Variants in MUSK observed in about 807,000 individuals in gnomAD.
MUSK encodes the protein muscle, skeletal receptor tyrosine-protein kinase.
In MUSK, 55 loss-of-function variants were observed where a neutral mutation model predicts 88.7. The ratio of observed to expected loss-of-function variants is 0.62; its 90% CI spans 0.50 to 0.78. The LOEUF (loss-of-function observed/expected upper bound fraction) is 0.78. Ranked by LOEUF, MUSK falls within the 30% of genes least tolerant of loss-of-function variation. The pLI is 0.00. For missense variants in MUSK, 1,015 were observed against 1,074.3 expected, an observed-to-expected ratio of 0.94 and a Z score of 0.77; for synonymous variants, 387 against 391.9, an observed-to-expected ratio of 0.99 and a Z score of 0.15.
At chr9:110,725,340 G>T (rs920576689) in intron 5 of MUSK, among the ~76,000 whole-genome samples, 1 of 151,850 alleles carries the variant, frequency 6.6e-6, no homozygotes, top group Admixed American at 6.6e-5. Flanking sequence ...GTGGGAAAAG[G>T]GTCTTATAGA....
chr9:110,730,356 CA>C (rs1369682204), intron 5 of MUSK, among the ~76,000 whole-genome samples: 1 of 152,016 alleles, frequency 6.6e-6, no homozygotes, highest in African/African-American at 2.4e-5. Flanking sequence ...CATATCAAAA[CA>C]GTTATAAATG....
intron 5 of MUSK, among the ~76,000 whole-genome samples, chr9:110,731,713 C>G (rs1345902707): frequency 6.6e-6 from 1 of 152,052 alleles, no homozygotes; most frequent in Admixed American, 6.6e-5. Flanking sequence ...CCTGTACCTG[C>G]CTGTGCCACA....
chr9:110,716,077 G>A lies in MUSK; in HGVS notation c.629-18174G>A, dbSNP rs540709833. Among the ~76,000 whole-genome samples, 15 of 149,650 alleles carry A rather than the reference G, an allele frequency of 1.0e-4. No homozygotes were observed. The East Asian group carries it at 1.2e-3, about 12-fold the overall frequency. On this transcript the variant is annotated intron_variant, in intron 5 of 14. Transcript: ENST00000374448. ...TGTGCAGCAAACCACCGTGGCACAC[G>A]TTTACCTATGTAACAAACCTGCACA...
rs535802208 is a variant in MUSK, at chr9:110,715,211, T to A, written c.628+17745T>A. Among the ~76,000 whole-genome samples, 4 of 150,108 alleles carry A rather than the reference T, an allele frequency of 2.7e-5. 1 individual carries two copies. The South Asian group carries it at 8.4e-4, about 32-fold the overall frequency. On this transcript the variant is annotated intron_variant, in intron 5 of 14. Coordinates refer to ENST00000374448, the MANE Select transcript of MUSK (RefSeq NM_005592.4). The stretch of plus-strand genomic sequence containing the variant: ...GAGAAAGAAAAAGAACTAGAAGACC[T>A]GGCTTCAAAATTTACCTCTAGTACT...
intron 7 of MUSK, chr9:110,761,959 C>T (rs1039799203): frequency 1.0e-6 from 1 of 980,230 alleles, no homozygotes; most frequent in Non-Finnish European, 1.2e-6. Context: ...GGATGTTACC[C>T]ATGATTGACT....
intron 5 of MUSK, chr9:110,728,708 G>T: frequency 6.3e-7 from 1 of 1,577,036 alleles, no homozygotes; most frequent in African/African-American, 1.4e-5. Flanking sequence ...ACCCGAACAA[G>T]ATACTAAAGG....
chr9:110,791,135 G>A lies in MUSK; in HGVS notation c.1927+3297G>A, dbSNP rs112785541. The stretch of plus-strand genomic sequence containing the variant: ...AAGATGGCCGAATAGGAACAGCTCC[G>A]GTCTACAGCTCCCAGCGTGAGCGAC... On this transcript the variant is annotated intron_variant, in intron 14 of 14. Coordinates refer to ENST00000374448, the MANE Select transcript of MUSK (RefSeq NM_005592.4). Among the ~76,000 whole-genome samples the A allele has an allele frequency of 2.4e-4, 37 of 151,078 alleles. No homozygotes were observed. In the South Asian group the frequency reaches 6.1e-3, roughly 25 times the overall value.
chr9:110,764,842 T>C (rs542545558), intron 8 of MUSK, among the ~76,000 whole-genome samples: 3 of 152,294 alleles, frequency 2.0e-5, no homozygotes, highest in African/African-American at 7.2e-5. Flanking sequence ...ATCAAGCTGT[T>C]AGGAAGAAAA....
At chr9:110,789,001 CA>C (rs1272731691) in intron 14 of MUSK, among the ~76,000 whole-genome samples, 1 of 152,052 alleles carries the variant, frequency 6.6e-6, no homozygotes, top group African/African-American at 2.4e-5. Flanking sequence ...GGAGAGTTAT[CA>C]AAGATGAGAT....
intron 1 of MUSK, among the ~76,000 whole-genome samples, chr9:110,681,337 G>T (rs1224581058): frequency 6.7e-6 from 1 of 148,246 alleles, no homozygotes; most frequent in African/African-American, 2.5e-5. Flanking sequence ...TACTCCTTTT[G>T]TGAAGGCCTT....
rs1479019030 is a variant in MUSK at position 110,687,174 on chromosome 9, T to G, written c.264T>G (p.Ser88Arg). ...ATGGGCAGCTCCTCACCATCCTGAG[T>G]GTGGAAGACAGTGATGATGGCATTT... ...RENGQLLTIL[S>R]VEDSDDGIYC... The change falls in exon 3 of 15, where the codon AGT becomes AGG. Residue 88 changes from serine to arginine, a missense_variant. Ser to Arg is a moderately radical substitution (Grantham distance 110). Transcript: ENST00000374448. 6.2e-7 allele frequency: 1 copy of G among 1,613,634 alleles called. No individual in the cohort carries two copies.
chr9:110,726,919 C>T (rs1451771054), intron 5 of MUSK, among the ~76,000 whole-genome samples: 1 of 152,008 alleles, frequency 6.6e-6, no homozygotes, highest in African/African-American at 2.4e-5. Flanking sequence ...GTATGTGATA[C>T]AGACAGGGAA....
chr9:110,787,957 T>C (rs765819667), intron 14 of MUSK, 119 bp downstream of exon 14: 19 of 1,190,286 alleles, frequency 1.6e-5, no homozygotes, highest in Non-Finnish European at 2.3e-5. Flanking sequence ...TCAGTTCCTT[T>C]TCAAATTTAG....
chr9:110,800,821 G>T lies in MUSK; in HGVS notation c.2443G>T (p.Val815Leu), dbSNP rs551520537. 4.0e-5 allele frequency: 64 copies of T among 1,612,676 alleles called. No individual in the cohort carries two copies. The South Asian group carries it at 6.7e-4, about 17-fold the overall frequency. The change falls in exon 15 of 15, where the codon GTG (valine) becomes TTG (leucine). Residue 815 changes from valine to leucine, a missense_variant. Coordinates refer to ENST00000374448, the MANE Select transcript of MUSK (RefSeq NM_005592.4). Reference sequence around the variant, plus strand: ...GGCCCATGAGGAGGTCATTTACTACGTGCGAGATGGCAACATCCTCTCCTG... The same window carrying T: ...GGCCCATGAGGAGGTCATTTACTACTTGCGAGATGGCAACATCCTCTCCTG... ...GMAHEEVIYY[V>L]RDGNILSCPE...
At chr9:110,771,437 G>A (rs927742376) in intron 9 of MUSK, among the ~76,000 whole-genome samples, 7 of 152,086 alleles carry the variant, frequency 4.6e-5, no homozygotes, top group South Asian at 2.1e-4. Flanking sequence ...TAAAGGCATC[G>A]TCGTTCTGAT....
At position 110,687,196 on chromosome 9, in the gene MUSK, A is replaced by T. The variant is rs1391803394; in HGVS notation, c.286A>T (p.Ile96Phe). 3.1e-6 allele frequency: 5 copies of T among 1,613,732 alleles called. No individual in the cohort carries two copies. Among genetic ancestry groups the T allele is most frequent in the Non-Finnish European group, 4.2e-6 (5 of 1,179,816 alleles). Residue 96 changes from isoleucine to phenylalanine, a missense_variant, in exon 3 of 15, where the codon ATT (isoleucine) becomes TTT (phenylalanine). By Grantham distance (21) the Ile-to-Phe change is conservative. Transcript: ENST00000374448. Reference sequence around the variant, plus strand: ...GAGTGTGGAAGACAGTGATGATGGCATTTACTGCTGCACGGCCAACAATGG... The same window carrying T: ...GAGTGTGGAAGACAGTGATGATGGCTTTTACTGCTGCACGGCCAACAATGG... Reference protein sequence around the residue: ...ILSVEDSDDGIYCCTANNGVG... With the variant: ...ILSVEDSDDGFYCCTANNGVG...
At chr9:110,672,482 C>G (rs2075971589) in intron 1 of MUSK, among the ~76,000 whole-genome samples, 2 of 152,088 alleles carry the variant, frequency 1.3e-5, no homozygotes, top group Admixed American at 1.3e-4. Flanking sequence ...TGGATTAATT[C>G]AGGATTGGCA....
Position 110,682,752 on chromosome 9 carries a change from C to CATGAAGAAGTGG in MUSK, c.158_159insATGAAGAAGTGG (p.Ser53_Tyr54insTer). The CATGAAGAAGTGG allele has an allele frequency of 6.2e-7, 1 of 1,612,738 alleles. No individual in the cohort carries two copies. The highest frequency in any genetic ancestry group is 8.5e-7 in the Non-Finnish European group (1 of 1,179,034). On this transcript the variant is annotated stop_gained and inframe_insertion, in exon 2 of 15. Transcript: ENST00000374448. LOFTEE classifies it high-confidence loss of function. ...GCTACTTTCATGTGTGCAGTGGAAT[C>CATGAAGAAGTGG]CTACCCCCAGCCTGAGATTTCCTGG...
At chr9:110,676,776 C>T (rs1310612232) in intron 1 of MUSK, among the ~76,000 whole-genome samples, 1 of 152,180 alleles carries the variant, frequency 6.6e-6, no homozygotes, top group Non-Finnish European at 1.5e-5. Context: ...ATATGTATCA[C>T]ATTTTCTTTA....
Sources: gnomAD v4.1 joint callset for allele counts (sites outside exome capture counted in the v4.1 genomes callset) on GRCh38, gnomAD v4.1.1 for gene constraint, MANE v1.5 for transcripts, NCBI Gene and HGNC (gene_info 2026-07-23, HGNC 2026-07-21) for gene names.